Variants in SLC35E2B observed in about 807,000 individuals in gnomAD.
SLC35E2B encodes solute carrier family 35 member E2B.
A neutral mutation model predicts 32.4 loss-of-function variants in SLC35E2B; 18 were observed. The observed-to-expected ratio is 0.56, with a 90% CI of 0.38 to 0.82. The LOEUF is 0.82. SLC35E2B is among the 40% of genes least tolerant of loss of function. SLC35E2B has a pLI of 0.00. For missense variants in SLC35E2B, 263 were observed against 469.5 expected (o/e 0.56, Z 4.06); for synonymous variants, 132 against 209.1 (o/e 0.63, Z 3.18).
chr1:1,679,922 G>C (rs1401086685), intron 2 of SLC35E2B, among the ~76,000 whole-genome samples: 1 of 151,586 alleles, frequency 6.6e-6, no homozygotes, highest in East Asian at 1.9e-4. Context: ...CATGAGGTCA[G>C]GAGTTCAAGA....
At chr1:1,666,197 G>A (rs1220910912) in intron 9 of SLC35E2B, among the ~76,000 whole-genome samples, 178 bp from the exon 10 acceptor site, 1 of 152,180 alleles carries the variant, frequency 6.6e-6, no homozygotes, top group Non-Finnish European at 1.5e-5. Flanking sequence ...GGCCAGGATG[G>A]GGCGGGGGTG....
At chr1:1,669,987 C>T in intron 7 of SLC35E2B, 111 bp downstream of exon 7, 6 of 1,084,452 alleles carry the variant, frequency 5.5e-6, no homozygotes, top group Non-Finnish European at 6.8e-6. Context: ...TAAAGGCCAC[C>T]CAAGCCAGAC....
intron 2 of SLC35E2B, among the ~76,000 whole-genome samples, chr1:1,681,091 AC>A (rs1287571891): frequency 6.6e-6 from 1 of 152,080 alleles, no homozygotes; most frequent in Admixed American, 6.6e-5. Flanking sequence ...CTGCAGAGGC[AC>A]CCACGGTTCG....
intron 9 of SLC35E2B, among the ~76,000 whole-genome samples, chr1:1,667,514 GT>G (rs1490785633): frequency 5.3e-5 from 8 of 152,256 alleles, no homozygotes; most frequent in Admixed American, 4.6e-4. Flanking sequence ...GATCCTCCCC[GT>G]TTCTAGAGCT....
intron 8 of SLC35E2B, among the ~76,000 whole-genome samples, chr1:1,668,778 C>T (rs575215924): frequency 7.2e-5 from 11 of 152,156 alleles, no homozygotes; most frequent in South Asian, 2.1e-4. Flanking sequence ...AACCCCAATG[C>T]GGGGCCGGGC....
intron 2 of SLC35E2B, among the ~76,000 whole-genome samples, chr1:1,682,102 C>T (rs1643905045): frequency 6.7e-6 from 1 of 148,614 alleles, no homozygotes; most frequent in Non-Finnish European, 1.5e-5. Flanking sequence ...TCATGTGATT[C>T]GCCCGCCTTG....
chr1:1,688,998 C>T (rs528757971), intron 2 of SLC35E2B, among the ~76,000 whole-genome samples: 10 of 151,996 alleles, frequency 6.6e-5, no homozygotes, highest in Admixed American at 5.9e-4. Flanking sequence ...AGTGAAACCC[C>T]GTCTCTACCA....
chr1:1,663,213 G>C lies in SLC35E2B; in HGVS notation c.*2569C>G, dbSNP rs1326964940. On this transcript the variant is annotated 3_prime_UTR_variant, in exon 10 of 10. Coordinates refer to ENST00000617444, the MANE Select transcript of SLC35E2B (RefSeq NM_001290264.2). ...TTGCTAATCCTTTGGAAAAACGTTT[G>C]TTTCTGGTCCACAAACAGAAAATCC... The C allele has an allele frequency of 1.1e-6, 1 of 944,710 alleles. No individual in the cohort carries two copies. Among genetic ancestry groups the C allele is most frequent in the Non-Finnish European group, 1.3e-6 (1 of 792,944 alleles). The allele number at this position is 944,710 out of a possible 1,614,324, so 58.5% of individuals were successfully genotyped here. A position where few individuals can be genotyped will look rare whatever the true frequency, so the allele number is the denominator to read the frequency against.
At chr1:1,688,546 G>A (rs915820286) in intron 2 of SLC35E2B, among the ~76,000 whole-genome samples, 10 of 151,782 alleles carry the variant, frequency 6.6e-5, no homozygotes, top group Admixed American at 5.3e-4. Context: ...GCTGCAGTGA[G>A]CGGAGATCGC....
At position 1,668,474 on chromosome 1, in the gene SLC35E2B, T is replaced by C. The variant is rs1309117596; in HGVS notation, c.835-2A>G. On this transcript the variant is annotated splice_acceptor_variant, in intron 8 of 9. Coordinates refer to ENST00000617444, the MANE Select transcript of SLC35E2B (RefSeq NM_001290264.2). LOFTEE classifies it high-confidence loss of function. ...ACTCCTCCCGATCACTGGGACGTCC[T>C]ATGTGGCAAACAAAAGGGTACTCTA... is the stretch of plus-strand genomic sequence containing the variant. 6.2e-7 allele frequency: 1 copy of C among 1,613,918 alleles called. No individual in the cohort carries two copies. Among genetic ancestry groups the C allele is most frequent in the Non-Finnish European group, 8.5e-7 (1 of 1,179,992 alleles).
In SLC35E2B at chr1:1,664,098, A is replaced by G; in HGVS notation, c.*1684T>C. 1 of 532,124 alleles carries G rather than the reference A, an allele frequency of 1.9e-6. No individual in the cohort carries two copies. Among genetic ancestry groups the G allele is most frequent in the Non-Finnish European group, 2.4e-6 (1 of 414,878 alleles). 33.0% of individuals were successfully genotyped at this position (532,124 alleles called of 1,614,324 possible). A position where few individuals can be genotyped will look rare whatever the true frequency, so the allele number is the denominator to read the frequency against. ...CATGGGAGGCTGAGGTGGGAGGATC[A>G]TTTGAGCCCAGGAAGTCGAGGCTGC... On this transcript the variant is annotated 3_prime_UTR_variant, in exon 10 of 10. Transcript: ENST00000617444.
At chr1:1,686,465 T>C (rs1643952293) in intron 2 of SLC35E2B, among the ~76,000 whole-genome samples, 1 of 151,804 alleles carries the variant, frequency 6.6e-6, no homozygotes, top group Non-Finnish European at 1.5e-5. Flanking sequence ...CAGGGCAGTC[T>C]TGTAGTGAAA....
rs1200548881 is a variant in SLC35E2B, at chr1:1,669,640, G to A, written c.834+24C>T. 29 of 1,512,442 alleles carry A rather than the reference G, an allele frequency of 1.9e-5. 1 individual carries two copies. Among genetic ancestry groups the A allele is most frequent in the South Asian group, 1.5e-4 (12 of 82,446 alleles). The allele number at this position is 1,512,442 out of a possible 1,614,324, so 93.7% of individuals were successfully genotyped here. A position where few individuals can be genotyped will look rare whatever the true frequency, so the allele number is the denominator to read the frequency against. On this transcript the variant is annotated intron_variant, in intron 8 of 9. Coordinates refer to ENST00000617444, the MANE Select transcript of SLC35E2B (RefSeq NM_001290264.2). ...AGAAGGCAGCCCGGCAAGTAAGGAC[G>A]GGACGCCTGTGTCTGAAACCCACCG... is the stretch of plus-strand genomic sequence containing the variant.
intron 2 of SLC35E2B, among the ~76,000 whole-genome samples, chr1:1,683,452 CAGA>C (rs1449586478): frequency 6.6e-6 from 1 of 152,192 alleles, no homozygotes. Context: ...TAAAAGAAAA[CAGA>C]GGAGCAGCCG....
intron 7 of SLC35E2B, 78 bp from the exon 8 acceptor site, chr1:1,669,814 A>T (rs1355397930): frequency 7.2e-7 from 1 of 1,392,842 alleles, no homozygotes; most frequent in East Asian, 2.5e-5. Context: ...CAGCAAGAAC[A>T]CCCAGGCACC....
chr1:1,690,137 C>T (rs1345721843), intron 2 of SLC35E2B, among the ~76,000 whole-genome samples: 3 of 150,032 alleles, frequency 2.0e-5, no homozygotes, highest in South Asian at 2.1e-4. Flanking sequence ...CAAAGTTGGC[C>T]GGCATGGTGG....
Position 1,664,986 on chromosome 1 carries a change from G to C in SLC35E2B, c.*796C>G, listed in dbSNP as rs1179587930. The C allele has an allele frequency of 1.5e-5, 15 of 980,040 alleles. No individual in the cohort carries two copies. The highest frequency in any genetic ancestry group is 1.8e-5 in the Non-Finnish European group (15 of 825,254). The allele number at this position is 980,040 out of a possible 1,614,324, so 60.7% of individuals were successfully genotyped here. A position where few individuals can be genotyped will look rare whatever the true frequency, so the allele number is the denominator to read the frequency against. On this transcript the variant is annotated 3_prime_UTR_variant, in exon 10 of 10. Transcript: ENST00000617444. The stretch of plus-strand genomic sequence containing the variant: ...ATCTCCTCCCAAGTTAAACACGAGA[G>C]GTTTGTCCTCAACCTCAGGGCTGGA...
chr1:1,675,088 A>G (rs1643807961), intron 5 of SLC35E2B, among the ~76,000 whole-genome samples: 1 of 151,518 alleles, frequency 6.6e-6, no homozygotes, highest in Admixed American at 6.6e-5. Flanking sequence ...CCCACGGACC[A>G]GGAGCCACGG....
intron 9 of SLC35E2B, 107 bp downstream of exon 9, chr1:1,668,220 C>G: frequency 6.8e-7 from 1 of 1,475,702 alleles, no homozygotes; most frequent in Non-Finnish European, 9.1e-7. Context: ...CCACACTCAT[C>G]CCCGTGGAAG....
Sources: allele counts gnomAD v4.1 joint callset (sites outside exome capture counted in the v4.1 genomes callset), GRCh38; gene constraint gnomAD v4.1.1; transcripts MANE v1.5; gene names NCBI Gene and HGNC (gene_info 2026-07-23, HGNC 2026-07-21).